The following RPS6KA6 variants were observed in gnomAD, a reference collection of about 807,000 sequenced individuals.
RPS6KA6 encodes the protein ribosomal protein S6 kinase alpha-6.
RPS6KA6 carries 27 observed loss-of-function variants against 65.4 expected under a neutral mutation model. That is an observed-to-expected ratio of 0.41 (90% CI 0.30 to 0.57). RPS6KA6 has a LOEUF of 0.57. Among genes scored for constraint, RPS6KA6 ranks in the 20% least tolerant of loss-of-function variants. RPS6KA6 has a pLI of 0.24. For missense variants in RPS6KA6, 486 were observed against 555.6 expected (o/e 0.87, Z 1.26); for synonymous variants, 190 against 184.2 (o/e 1.03, Z -0.26).
At chrX:84,086,246 T>C (rs150828310) in intron 20 of RPS6KA6, among the ~76,000 whole-genome samples, 61 of 111,721 alleles carry the variant, frequency 5.5e-4, no homozygotes, top group African/African-American at 2.0e-3. Flanking sequence ...TCTGTTGTGA[T>C]GTTAGGTTGT....
chrX:84,113,751 C>T (rs1404480435), intron 12 of RPS6KA6, among the ~76,000 whole-genome samples: 1 of 111,022 alleles, frequency 9.0e-6, no homozygotes, highest in Non-Finnish European at 1.9e-5. Context: ...CATTCCTAGT[C>T]AACACAGTAC....
intron 20 of RPS6KA6, among the ~76,000 whole-genome samples, chrX:84,077,817 T>C (rs1392870830): frequency 9.0e-6 from 1 of 111,633 alleles, no homozygotes; most frequent in African/African-American, 3.3e-5. Flanking sequence ...TACTGCACAT[T>C]GCTAGCCCAG....
At position 84,106,965 on chromosome X, in the gene RPS6KA6, G is replaced by T; in HGVS notation, c.1187C>A (p.Ala396Glu). The T allele has an allele frequency of 1.7e-6, 2 of 1,195,577 alleles. No individual in the cohort carries two copies. The highest frequency in any genetic ancestry group is 2.3e-6 in the Non-Finnish European group (2 of 882,816). Residue 396 changes from alanine to glutamate, a missense_variant, in exon 14 of 22, where the codon GCA (alanine) becomes GAA (glutamate). By Grantham distance (107) the Ala-to-Glu change is moderately radical (BLOSUM62 -1). Coordinates refer to ENST00000262752, the MANE Select transcript of RPS6KA6 (RefSeq NM_014496.5). ...KGFSFVATSI[A>E]EEYKITPITS... The stretch of plus-strand genomic sequence containing the variant: ...GATAGGAGTGATTTTATATTCTTCT[G>T]CAATAGAAGTTGCAACAAAGCTGAA...
chrX:84,089,063 C>A (rs1218565644), intron 20 of RPS6KA6, among the ~76,000 whole-genome samples: 4 of 109,350 alleles, frequency 3.7e-5, no homozygotes, highest in Non-Finnish European at 7.6e-5. Context: ...CATCAAATTT[C>A]TCTCTATATA....
chrX:84,077,674 A>G (rs770855405), intron 20 of RPS6KA6, among the ~76,000 whole-genome samples: 3 of 112,058 alleles, frequency 2.7e-5, no homozygotes, highest in African/African-American at 9.7e-5. Context: ...CACAGGGGAA[A>G]ATACAGATGC....
At chrX:84,187,106 G>A (rs1220530413) in intron 1 of RPS6KA6, among the ~76,000 whole-genome samples, 2 of 111,520 alleles carry the variant, frequency 1.8e-5, no homozygotes, top group African/African-American at 6.5e-5. Context: ...TTTACTTTGC[G>A]TCTTCTTTTA....
At chrX:84,081,364 C>G (rs949116693) in intron 20 of RPS6KA6, among the ~76,000 whole-genome samples, 2 of 111,702 alleles carry the variant, frequency 1.8e-5, no homozygotes, top group African/African-American at 6.5e-5. Context: ...ACTAGAAAAT[C>G]TAGAAGAAAT....
chrX:84,145,983 C>G (rs909778214), intron 5 of RPS6KA6, among the ~76,000 whole-genome samples: 2 of 111,411 alleles, frequency 1.8e-5, no homozygotes, highest in African/African-American at 6.5e-5. Context: ...CTTGCTGCTA[C>G]TTTTCAGATC....
chrX:84,084,617 T>C (rs1354750050), intron 20 of RPS6KA6, among the ~76,000 whole-genome samples: 1 of 112,450 alleles, frequency 8.9e-6, no homozygotes, highest in Non-Finnish European at 1.9e-5. Context: ...TGTAGCCTTG[T>C]AGTATAGTTT....
intron 20 of RPS6KA6, among the ~76,000 whole-genome samples, chrX:84,066,255 A>G (rs1462460462): frequency 9.6e-6 from 1 of 104,700 alleles, no homozygotes; most frequent in East Asian, 3.0e-4. Context: ...TCCCAGCGAG[A>G]CAGAACCATT....
chrX:84,090,649 TAA>T (rs1170528704), intron 20 of RPS6KA6, among the ~76,000 whole-genome samples: 1 of 111,543 alleles, frequency 9.0e-6, no homozygotes, highest in Non-Finnish European at 1.9e-5. Flanking sequence ...CAAACACTTA[TAA>T]AACTATCAGA....
At chrX:84,131,275 CACTT>C (rs2147504555) in intron 8 of RPS6KA6, among the ~76,000 whole-genome samples, 1 of 112,312 alleles carries the variant, frequency 8.9e-6, no homozygotes, top group South Asian at 3.6e-4. Context: ...TCAACATTAA[CACTT>C]AATTTGAGGT....
At position 84,060,954 on chromosome X, in the gene RPS6KA6, C is replaced by T. The variant is rs2033293357; in HGVS notation, c.*3323G>A. ...ACCTTTTTAGCTGGAAATGTCTGTT[C>T]TGATAGAATGGATATCCTGATTTGG... On this transcript the variant is annotated 3_prime_UTR_variant, in exon 22 of 22. Coordinates refer to ENST00000262752, the MANE Select transcript of RPS6KA6 (RefSeq NM_014496.5). 1.8e-5 allele frequency: 2 copies of T among 111,989 alleles called. No homozygotes were observed. Among genetic ancestry groups the T allele is most frequent in the South Asian group, 7.4e-4 (2 of 2,714 alleles). 9.2% of individuals were successfully genotyped at this position (111,989 alleles called of 1,213,427 possible).
chrX:84,134,926 T>A (rs2034965976), intron 7 of RPS6KA6, 107 bp from the exon 8 acceptor site: 10 of 620,118 alleles, frequency 1.6e-5, no homozygotes, highest in Middle Eastern at 4.7e-4. Flanking sequence ...TTAATATATG[T>A]AAAAAATTTA....
chrX:84,187,684 T>G, intron 1 of RPS6KA6, 135 bp downstream of exon 1: 1 of 550,009 alleles, frequency 1.8e-6, no homozygotes, highest in Non-Finnish European at 2.8e-6. Context: ...GAAAGGGCAG[T>G]GGAGGCAGCA....
intron 18 of RPS6KA6, among the ~76,000 whole-genome samples, chrX:84,100,183 T>C (rs2034233098): frequency 9.0e-6 from 1 of 110,946 alleles, no homozygotes; most frequent in African/African-American, 3.3e-5. Context: ...AAAATACAAA[T>C]ACTAGTCAAA....
intron 1 of RPS6KA6, among the ~76,000 whole-genome samples, chrX:84,186,338 A>T (rs2035927155): frequency 8.9e-6 from 1 of 112,421 alleles, no homozygotes; most frequent in African/African-American, 3.2e-5. Context: ...CTATAAGTTC[A>T]GTAAGTTACA....
rs760093916 is a variant in RPS6KA6 at position 84,107,019 on chromosome X, C to T, written c.1133G>A (p.Ser378Asn). ...TPKDSPGLPASANAHQLFKGF... is the reference protein window; with the variant it reads ...TPKDSPGLPANANAHQLFKGF... ...TTTGAAGAGCTGATGAGCATTTGCA[C>T]TGGCTGGCAAACCGGGAGAATCTAA... Residue 378 changes from serine to asparagine, a missense_variant, in exon 14 of 22, where the codon AGT becomes AAT. Physicochemically the swap from Ser to Asn is conservative, Grantham distance 46 (BLOSUM62 1). Transcript: ENST00000262752. 1 of 1,199,445 alleles carries T rather than the reference C, an allele frequency of 8.3e-7. No homozygotes were observed. Among genetic ancestry groups the T allele is most frequent in the Admixed American group, 2.3e-5 (1 of 44,444 alleles).
chrX:84,081,432 C>A (rs186594822), intron 20 of RPS6KA6, among the ~76,000 whole-genome samples: 1 of 111,393 alleles, frequency 9.0e-6, no homozygotes, highest in East Asian at 2.8e-4. Flanking sequence ...AAGTCGAATG[C>A]CTGAATATAC....
Sources: gnomAD v4.1 joint callset for allele counts (sites outside exome capture counted in the v4.1 genomes callset) on GRCh38, gnomAD v4.1.1 for gene constraint, MANE v1.5 for transcripts, NCBI Gene and HGNC (gene_info 2026-07-23, HGNC 2026-07-21) for gene names.